CPNE4: variants seen among roughly 807,000 people sequenced by gnomAD.
CPNE4 encodes copine-4.
In CPNE4, 25 loss-of-function variants were observed where a neutral mutation model predicts 67.9. The observed-to-expected ratio is 0.37, with a 90% CI of 0.27 to 0.51. The LOEUF (loss-of-function observed/expected upper bound fraction) is 0.51. Ranked by LOEUF, CPNE4 falls within the 20% of genes least tolerant of loss-of-function variation. The pLI, the probability that CPNE4 is intolerant of heterozygous loss-of-function variation, is 0.93. For missense variants in CPNE4, 464 were observed against 690.8 expected (o/e 0.67, Z 3.68); for synonymous variants, 242 against 244.9 (o/e 0.99, Z 0.11).
chr3:131,778,942 G>T (rs966231857), intron 2 of CPNE4, among the ~76,000 whole-genome samples: 7 of 152,016 alleles, frequency 4.6e-5, no homozygotes, highest in Admixed American at 2.0e-4. Flanking sequence ...AAACCTCACA[G>T]TCTCTGCTGA....
chr3:131,789,740 G>C (rs2083665238), intron 2 of CPNE4, among the ~76,000 whole-genome samples: 1 of 152,096 alleles, frequency 6.6e-6, no homozygotes, highest in Non-Finnish European at 1.5e-5. Flanking sequence ...TAGGGGTCCA[G>C]AATGTTAGAA....
rs1242716385 is a variant in CPNE4 at position 131,542,492 on chromosome 3, G to A, written c.1539+65C>T. 11 of 1,054,574 alleles carry A rather than the reference G, an allele frequency of 1.0e-5. No individual in the cohort carries two copies. The Admixed American group carries it at 1.4e-4, about 13-fold the overall frequency. 65.3% of individuals were successfully genotyped at this position (1,054,574 alleles called of 1,614,324 possible). A position where few individuals can be genotyped will look rare whatever the true frequency, so the allele number is the denominator to read the frequency against. ...TCACCATAAACATTGGTGGACAAAT[G>A]TGGGAGGTGAGCATGCTTTGGTTCT... On this transcript the variant is annotated intron_variant, in intron 15 of 15. Coordinates refer to ENST00000429747, the MANE Select transcript of CPNE4 (RefSeq NM_130808.3).
intron 7 of CPNE4, among the ~76,000 whole-genome samples, chr3:131,660,571 A>G (rs190986929): frequency 5.9e-5 from 9 of 152,316 alleles, no homozygotes; most frequent in Non-Finnish European, 8.8e-5. Flanking sequence ...GAATATTTCC[A>G]TCATCACGGA....
chr3:131,572,951 T>C (rs1386668899), intron 10 of CPNE4, among the ~76,000 whole-genome samples: 1 of 151,964 alleles, frequency 6.6e-6, no homozygotes, highest in Non-Finnish European at 1.5e-5. Flanking sequence ...CAGACCAAAT[T>C]AAATAAGACA....
intron 7 of CPNE4, among the ~76,000 whole-genome samples, chr3:131,662,029 A>G (rs1220786877): frequency 2.0e-5 from 3 of 152,142 alleles, no homozygotes; most frequent in Non-Finnish European, 4.4e-5. Flanking sequence ...GGGGGTTGGA[A>G]CTTGTCTTTT....
chr3:132,037,679 T>C (rs145514456), upstream of CPNE4: 4,246 of 1,365,398 alleles, frequency 3.1e-3, 11 homozygotes, highest in Admixed American at 4.5e-3. Flanking sequence ...CAAAGGAAGC[T>C]TCAGCTCTGG....
chr3:131,941,120 G>C (rs111250087), intron 1 of CPNE4, among the ~76,000 whole-genome samples: 28 of 152,036 alleles, frequency 1.8e-4, no homozygotes, highest in Middle Eastern at 3.2e-3. Flanking sequence ...GAATGCTGGA[G>C]CTGGCTTGCG....
intron 6 of CPNE4, among the ~76,000 whole-genome samples, chr3:131,684,842 C>T (rs76950788): frequency 2.6e-5 from 4 of 152,120 alleles, no homozygotes; most frequent in East Asian, 1.9e-4. Context: ...AAATGGAGAT[C>T]GTGGTTAGTT....
intron 7 of CPNE4, among the ~76,000 whole-genome samples, chr3:131,596,415 G>A (rs934993959): frequency 4.3e-5 from 5 of 117,372 alleles, no homozygotes; most frequent in African/African-American, 1.2e-4. Flanking sequence ...GAGGTCAGGA[G>A]ATCGAGACCA....
At chr3:131,649,541 G>T (rs2079755532) in intron 7 of CPNE4, among the ~76,000 whole-genome samples, 1 of 152,176 alleles carries the variant, frequency 6.6e-6, no homozygotes, top group Admixed American at 6.5e-5. Context: ...AGAAGAACTG[G>T]CTTTATTCTT....
chr3:131,834,185 T>C (rs954496499), intron 2 of CPNE4, among the ~76,000 whole-genome samples: 3 of 152,228 alleles, frequency 2.0e-5, no homozygotes, highest in African/African-American at 4.8e-5. Context: ...AAGCTTGTGG[T>C]TTAAATTCCC....
At chr3:131,550,248 T>C (rs1936097877) in intron 13 of CPNE4, among the ~76,000 whole-genome samples, 168 bp from the exon 14 acceptor site, 1 of 152,162 alleles carries the variant, frequency 6.6e-6, no homozygotes, top group South Asian at 2.1e-4. Context: ...TGCTGTCTCC[T>C]TCCCCACTGA....
At chr3:131,988,500 G>A (rs565551557) in intron 1 of CPNE4, among the ~76,000 whole-genome samples, 3 of 152,292 alleles carry the variant, frequency 2.0e-5, no homozygotes, top group South Asian at 4.1e-4. Context: ...TATTAGCTTG[G>A]ATGAGGGCAA....
In CPNE4 at chr3:131,707,464, C is replaced by G. The variant is rs185589113; in HGVS notation, c.361-7484G>C. On this transcript the variant is annotated intron_variant, in intron 3 of 15. Transcript: ENST00000429747. ...TTAATTAGATCTGCAAAGGCTCTTT[C>G]AAATAAATTCATATTCACAGGATTT... is the stretch of plus-strand genomic sequence containing the variant. 1.3e-3 allele frequency among the ~76,000 whole-genome samples: 193 copies of G among 152,292 alleles called. 8 individuals carry two copies. In the South Asian group the frequency reaches 0.03, roughly 24 times the overall value.
At chr3:131,655,974 C>T (rs1028997623) in intron 7 of CPNE4, among the ~76,000 whole-genome samples, 3 of 151,738 alleles carry the variant, frequency 2.0e-5, no homozygotes, top group South Asian at 2.1e-4. Flanking sequence ...CTTTCTTTAC[C>T]TTCCTTTTCT....
chr3:132,031,508 C>T (rs1406779), intron 1 of CPNE4, among the ~76,000 whole-genome samples: 44,891 of 151,936 alleles, frequency 0.3, 6,774 homozygotes, highest in Non-Finnish European at 0.32. Context: ...ACCCAATTAG[C>T]CAAGTTGATA....
intron 3 of CPNE4, among the ~76,000 whole-genome samples, chr3:131,717,902 C>A (rs1438192074): frequency 2.3e-5 from 3 of 129,214 alleles, no homozygotes; most frequent in Non-Finnish European, 5.0e-5. Context: ...TTCTTTCTTT[C>A]TTTCTTTCTT....
At chr3:132,007,763 T>C (rs1203541031) in intron 1 of CPNE4, among the ~76,000 whole-genome samples, 1 of 152,204 alleles carries the variant, frequency 6.6e-6, no homozygotes. Flanking sequence ...TGGATTGCCA[T>C]GACACCTGTC....
chr3:131,739,389 C>T (rs2082309606), intron 2 of CPNE4, among the ~76,000 whole-genome samples: 1 of 152,204 alleles, frequency 6.6e-6, no homozygotes, highest in African/African-American at 2.4e-5. Flanking sequence ...CTCTCGTGTA[C>T]ATTTTCCCCT....
Sources: gnomAD v4.1 joint callset for allele counts (sites outside exome capture counted in the v4.1 genomes callset) on GRCh38, gnomAD v4.1.1 for gene constraint, MANE v1.5 for transcripts, NCBI Gene and HGNC (gene_info 2026-07-23, HGNC 2026-07-21) for gene names.